The following CDC42BPG variants were observed in gnomAD, a reference collection of about 807,000 sequenced individuals.
CDC42BPG encodes the protein serine/threonine-protein kinase MRCK gamma.
Under a neutral mutation model 192.2 loss-of-function variants are expected in CDC42BPG, and 157 were observed. The observed-to-expected ratio is 0.82, with a 90% confidence interval of 0.72 to 0.93. The LOEUF is 0.93. Ranked by LOEUF, CDC42BPG falls within the 40% of genes least tolerant of loss-of-function variation. The pLI is 0.00. For synonymous variants in CDC42BPG, 981 were observed against 918.5 expected (o/e 1.07, Z -1.23); for missense variants, 1,992 against 2,122.1 (o/e 0.94, Z 1.20).
At chr11:64,840,500 C>A in intron 4 of CDC42BPG, 53 bp downstream of exon 4, 2 of 1,565,004 alleles carry the variant, frequency 1.3e-6, no homozygotes, top group Non-Finnish European at 8.8e-7. Flanking sequence ...GCCCCAAGGG[C>A]CCTCTCCTGT....
At chr11:64,827,819 C>G (rs780933041) in intron 30 of CDC42BPG, 36 bp from the exon 31 acceptor site, 9 of 1,547,956 alleles carry the variant, frequency 5.8e-6, no homozygotes, top group South Asian at 1.2e-5. Context: ...GCTGTTTCCC[C>G]CTCTGTTCCA....
chr11:64,826,634 G>C, intron 35 of CDC42BPG, 37 bp downstream of exon 35: 1 of 1,586,798 alleles, frequency 6.3e-7, no homozygotes, highest in South Asian at 1.1e-5. Flanking sequence ...ACTTGGGGTG[G>C]GGGGTGGCAC....
chr11:64,841,945 G>A (rs1339663795), intron 1 of CDC42BPG, 41 bp from the exon 2 acceptor site: 1 of 1,479,626 alleles, frequency 6.8e-7, no homozygotes, highest in South Asian at 1.2e-5. Flanking sequence ...CAGGGAGGGA[G>A]GGCTCCATTC....
intron 5 of CDC42BPG, among the ~76,000 whole-genome samples, 179 bp from the exon 6 acceptor site, chr11:64,839,750 G>A (rs1943196975): frequency 6.6e-6 from 1 of 152,108 alleles, no homozygotes; most frequent in Non-Finnish European, 1.5e-5. Context: ...AGGCCAGAAG[G>A]AGGAAGATGG....
intron 30 of CDC42BPG, among the ~76,000 whole-genome samples, chr11:64,828,517 G>A (rs1307329018): frequency 3.3e-5 from 5 of 152,228 alleles, no homozygotes; most frequent in Non-Finnish European, 5.9e-5. Context: ...GCAGGGCGGG[G>A]AGCACGAAGG....
chr11:64,836,795 T>C lies in CDC42BPG; in HGVS notation c.1328A>G (p.His443Arg). Residue 443 changes from histidine (H) to arginine (R), a missense_variant, in exon 11 of 37, where the codon CAT (histidine) becomes CGT (arginine). Physicochemically the swap from His to Arg is conservative, Grantham distance 29. Around this residue, in one of 2 missense-constraint regions of CDC42BPG, gnomAD observed 1,656 missense variants for 1,844.3 expected, o/e 0.90. Transcript: ENST00000342711. ...CTTCCGTAGCTGCTCCAGCTCCCGA[T>C]GGTCTGTGGGGGCGTGCAGGGCCTC... Reference protein sequence around the residue: ...HQEALHAPTDHRELEQLRKEV... With the variant: ...HQEALHAPTDRRELEQLRKEV... 6.4e-7 allele frequency: 1 copy of C among 1,568,572 alleles called. No homozygotes were observed. The highest frequency in any genetic ancestry group is 8.6e-7 in the Non-Finnish European group (1 of 1,158,380).
chr11:64,826,339 C>A, intron 36 of CDC42BPG, 131 bp downstream of exon 36: 1 of 682,412 alleles, frequency 1.5e-6, no homozygotes, highest in South Asian at 1.7e-5. Context: ...TAAGAATCTG[C>A]ATCTCGTAGA....
Position 64,831,489 on chromosome 11 carries a change from C to T in CDC42BPG, c.3304+16G>A. 1 of 1,599,742 alleles carries T rather than the reference C, an allele frequency of 6.3e-7. No homozygotes were observed. On this transcript the variant is annotated intron_variant, in intron 28 of 36. Coordinates refer to ENST00000342711, the MANE Select transcript of CDC42BPG (RefSeq NM_017525.3). Reference sequence around the variant, plus strand: ...CAGGCCTGAACTGCTTCCTCCAGTCCCCTCCACCAGCTCACCGAGGATGGC... The same window carrying T: ...CAGGCCTGAACTGCTTCCTCCAGTCTCCTCCACCAGCTCACCGAGGATGGC...
chr11:64,826,615 G>T (rs915252166), intron 35 of CDC42BPG, 56 bp downstream of exon 35: 29 of 1,593,020 alleles, frequency 1.8e-5, no homozygotes, highest in Non-Finnish European at 2.2e-5. Flanking sequence ...GGATCCAAAG[G>T]GGGTAGAAAC....
At position 64,823,207 on chromosome 11, in the gene CDC42BPG, C is replaced by CT. The variant is rs1474527726; in HGVS notation, c.*1265dup. 6.6e-6 allele frequency among the ~76,000 whole-genome samples: 1 copy of CT among 151,974 alleles called. No individual in the cohort carries two copies. Among genetic ancestry groups the CT allele is most frequent in the Non-Finnish European group, 1.5e-5 (1 of 67,976 alleles). On this transcript the variant is annotated 3_prime_UTR_variant, in exon 37 of 37. Coordinates refer to ENST00000342711, the MANE Select transcript of CDC42BPG (RefSeq NM_017525.3). ...GTTCACGCCATTCTCCTGCCTCAGC[C>CT]TCCCGAGTAGCAGGGACTACAGGCA...
chr11:64,824,485 C>T lies in CDC42BPG; in HGVS notation c.4644G>A (p.Glu1548=), dbSNP rs750906162. The change falls in exon 37 of 37, where the codon GAG becomes GAA. Residue 1548 remains glutamate (E), a synonymous_variant. Coordinates refer to ENST00000342711, the MANE Select transcript of CDC42BPG (RefSeq NM_017525.3). ...CTAACAGAGGGCATCAAGGAGAGCT[C>T]TCCAATTCAGGGGATAGGGGGAGGC... ...PRSLPLSPEL[E]SSP 6.2e-7 allele frequency: 1 copy of T among 1,605,446 alleles called. No homozygotes were observed. Among genetic ancestry groups the T allele is most frequent in the Non-Finnish European group, 8.5e-7 (1 of 1,171,912 alleles).
At position 64,827,176 on chromosome 11, in the gene CDC42BPG, G is replaced by T; in HGVS notation, c.4272-9C>A. The T allele has an allele frequency of 6.2e-7, 1 of 1,613,564 alleles. No homozygotes were observed. The highest frequency in any genetic ancestry group is 8.5e-7 in the Non-Finnish European group (1 of 1,179,504). On this transcript the variant is annotated splice_polypyrimidine_tract_variant and intron_variant, in intron 33 of 36. Transcript: ENST00000342711. The stretch of plus-strand genomic sequence containing the variant: ...GGTCCTTCAGCATCTCCCTGTGGGC[G>T]GAGGTGTAAGTAGTGGGTGGCGAAG...
In CDC42BPG at chr11:64,844,394, C is replaced by A; in HGVS notation, c.160+16G>T. 1 of 1,401,160 alleles carries A rather than the reference C, an allele frequency of 7.1e-7. No individual in the cohort carries two copies. Among genetic ancestry groups the A allele is most frequent in the African/African-American group, 1.5e-5 (1 of 66,422 alleles). 86.8% of individuals were successfully genotyped at this position (1,401,160 alleles called of 1,614,324 possible). A position where few individuals can be genotyped will look rare whatever the true frequency, so the allele number is the denominator to read the frequency against. Reference sequence around the variant, plus strand: ...TCCCTAGGCCCGCCCCCGCTCCGTGCCGCCCCGCCACTCACCCCAGCTCAG... The same window carrying A: ...TCCCTAGGCCCGCCCCCGCTCCGTGACGCCCCGCCACTCACCCCAGCTCAG... On this transcript the variant is annotated intron_variant, in intron 1 of 36. Coordinates refer to ENST00000342711, the MANE Select transcript of CDC42BPG (RefSeq NM_017525.3).
In CDC42BPG at chr11:64,839,483, C is replaced by T. The variant is rs182037673; in HGVS notation, c.670G>A (p.Gly224Ser). The part of the protein sequence containing the change: ...FGSCLRLNTN[G>S]MVDSSVAVGT... ...CTCTGGGGCGGGGTCCTTACCATGC[C>T]GTTGGTGTTGAGACGCAGGCAGGAG... Residue 224 changes from glycine (G) to serine (S), a missense_variant, in exon 6 of 37, where the codon GGC (glycine) becomes AGC (serine). Transcript: ENST00000342711. The T allele has an allele frequency of 7.4e-6, 12 of 1,613,124 alleles. No homozygotes were observed. In the East Asian group the frequency reaches 1.3e-4, roughly 18 times the overall value.
chr11:64,844,116 G>A, intron 1 of CDC42BPG, among the ~76,000 whole-genome samples: 1 of 152,154 alleles, frequency 6.6e-6, no homozygotes, highest in East Asian at 1.9e-4. Flanking sequence ...GGGACTCTAG[G>A]CGGTGCACTG....
intron 34 of CDC42BPG, 56 bp downstream of exon 34, chr11:64,826,994 C>A: frequency 2.3e-6 from 3 of 1,321,766 alleles, no homozygotes; most frequent in Non-Finnish European, 3.3e-6. Flanking sequence ...ACCACAGAGG[C>A]CGGTTATTGG....
In CDC42BPG at chr11:64,824,494, A is replaced by T; in HGVS notation, c.4635T>A (p.Pro1545=). ...GGCATCAAGGAGAGCTCTCCAATTC[A>T]GGGGATAGGGGGAGGCTTCGGGGCC... The part of the protein sequence containing the change: ...SERPRSLPLS[P]ELESSP Residue 1545 remains proline, a synonymous_variant, in exon 37 of 37, where the codon CCT becomes CCA. Coordinates refer to ENST00000342711, the MANE Select transcript of CDC42BPG (RefSeq NM_017525.3). The T allele has an allele frequency of 6.2e-7, 1 of 1,607,018 alleles. No homozygotes were observed. The highest frequency in any genetic ancestry group is 1.7e-4 in the Middle Eastern group (1 of 6,048).
intron 34 of CDC42BPG, 102 bp from the exon 35 acceptor site, chr11:64,826,896 A>C (rs374393124): frequency 1.5e-6 from 2 of 1,341,532 alleles, no homozygotes; most frequent in Non-Finnish European, 1.0e-6. Flanking sequence ...CTGGGCCCCC[A>C]GCCTGGTTTT....
chr11:64,830,055 C>T lies in CDC42BPG; in HGVS notation c.3383G>A (p.Gly1128Glu). 6.2e-7 allele frequency: 1 copy of T among 1,612,662 alleles called. No individual in the cohort carries two copies. Among genetic ancestry groups the T allele is most frequent in the Non-Finnish European group, 8.5e-7 (1 of 1,179,472 alleles). ...CAGCTGCTGCACGCGCCGGCACTCC[C>T]CCACCTGGAAGATGTCTGCAGGGTT... ...HLRSNDIFQV[G>E]ECRRVQQLTL... Residue 1128 changes from glycine (G) to glutamate (E), a missense_variant, in exon 30 of 37, where the codon GGG becomes GAG. By Grantham distance (98) the Gly-to-Glu change is moderately conservative. Around this residue, in one of 2 missense-constraint regions of CDC42BPG, gnomAD observed 1,656 missense variants for 1,844.3 expected, o/e 0.90. Coordinates refer to ENST00000342711, the MANE Select transcript of CDC42BPG (RefSeq NM_017525.3).
Sources: allele counts gnomAD v4.1 joint callset (sites outside exome capture counted in the v4.1 genomes callset), GRCh38; gene constraint gnomAD v4.1.1; regional missense constraint gnomAD v4.1.1; transcripts MANE v1.5; gene names NCBI Gene and HGNC (gene_info 2026-07-23, HGNC 2026-07-21).